The following LARGE1 variants were observed in gnomAD, a reference collection of about 807,000 sequenced individuals.
The protein encoded by LARGE1 is LARGE xylosyl- and glucuronyltransferase 1.
LARGE1 carries 43 observed loss-of-function variants against 87.6 expected under a neutral mutation model. The ratio of observed to expected loss-of-function variants is 0.49; its 90% confidence interval spans 0.38 to 0.63. The LOEUF (loss-of-function observed/expected upper bound fraction) is 0.63. LARGE1 is among the 30% of genes least tolerant of loss of function. The pLI, the probability that LARGE1 is intolerant of heterozygous loss-of-function variation, is 0.00. For synonymous variants in LARGE1, 434 were observed against 394.6 expected, an observed-to-expected ratio of 1.10 and a Z score of -1.18; for missense variants, 802 against 1,000.2, an observed-to-expected ratio of 0.80 and a Z score of 2.67.
intron 7 of LARGE1, among the ~76,000 whole-genome samples, chr22:33,397,744 G>C (rs1367116624): frequency 3.9e-5 from 6 of 152,184 alleles, no homozygotes; most frequent in Non-Finnish European, 5.9e-5. Context: ...AGGTTAAGTA[G>C]ATATTGCAAA....
the LARGE1 span, among the ~76,000 whole-genome samples, chr22:33,147,059 G>A: frequency 6.6e-6 from 1 of 152,236 alleles, no homozygotes; most frequent in East Asian, 1.9e-4. Context: ...CACCCACACT[G>A]TTGTGTGTGA....
intron 4 of LARGE1, among the ~76,000 whole-genome samples, chr22:33,606,428 G>GAAATAAAATAAAATAAAATAAAATA (rs55899842): frequency 2.6e-4 from 39 of 148,838 alleles, no homozygotes; most frequent in African/African-American, 9.5e-4. Flanking sequence ...AAAATAAAAT[G>GAAATAAAATAAAATAAAATAAAATA]AAATAAAATA....
At chr22:33,520,751 G>A (rs1569234614) in intron 6 of LARGE1, among the ~76,000 whole-genome samples, 1 of 152,186 alleles carries the variant, frequency 6.6e-6, no homozygotes, top group African/African-American at 2.4e-5. Context: ...TGCAAAACAC[G>A]AGCTGCTGTT....
chr22:33,468,566 AAGG>A (rs2068707618), intron 6 of LARGE1, among the ~76,000 whole-genome samples: 1 of 152,220 alleles, frequency 6.6e-6, no homozygotes, highest in African/African-American at 2.4e-5. Context: ...CTTTGGCAAA[AAGG>A]AGGACACAAA....
intron 1 of LARGE1, among the ~76,000 whole-genome samples, chr22:33,786,164 G>A (rs1431117289): frequency 6.6e-6 from 1 of 152,138 alleles, no homozygotes; most frequent in African/African-American, 2.4e-5. Flanking sequence ...TTCAGGTGCT[G>A]GGAAGACAGG....
intron 4 of LARGE1, among the ~76,000 whole-genome samples, chr22:33,619,428 AC>A (rs1237684141): frequency 6.6e-6 from 1 of 151,736 alleles, no homozygotes; most frequent in Non-Finnish European, 1.5e-5. Flanking sequence ...GGTGGCAGGC[AC>A]CTGTAATCCC....
At position 33,535,798 on chromosome 22, in the gene LARGE1, G is replaced by A. The variant is rs1049760577; in HGVS notation, c.787+29050C>T. Among the ~76,000 whole-genome samples, 18 of 152,168 alleles carry A rather than the reference G, an allele frequency of 1.2e-4. No homozygotes were observed. The South Asian group carries it at 1.5e-3, about 12-fold the overall frequency. ...CCTTGCCTTGTTGCCCGGTGGGATC[G>A]CTGATCTGTGATGTCGGTTCCCCCG... On this transcript the variant is annotated intron_variant, in intron 6 of 14. Transcript: ENST00000397394.
chr22:33,853,269 A>T (rs2063663774), intron 1 of LARGE1, among the ~76,000 whole-genome samples: 1 of 152,180 alleles, frequency 6.6e-6, no homozygotes, highest in African/African-American at 2.4e-5. Flanking sequence ...ACAGGATATA[A>T]GAGCATTCTG....
intron 1 of LARGE1, among the ~76,000 whole-genome samples, chr22:33,828,120 C>A (rs2062852630): frequency 6.6e-6 from 1 of 152,160 alleles, no homozygotes; most frequent in African/African-American, 2.4e-5. Flanking sequence ...AGGAAGAATT[C>A]TCAGGAGGGG....
intron 6 of LARGE1, among the ~76,000 whole-genome samples, chr22:33,546,972 T>C (rs1380195292): frequency 1.3e-5 from 2 of 152,232 alleles, no homozygotes; most frequent in Non-Finnish European, 2.9e-5. Context: ...CAACTCGTAA[T>C]AGTGGAGATG....
intron 5 of LARGE1, among the ~76,000 whole-genome samples, chr22:33,570,156 C>T (rs1202836011): frequency 6.6e-6 from 1 of 152,082 alleles, no homozygotes; most frequent in African/African-American, 2.4e-5. Flanking sequence ...AAAATGGGGG[C>T]CTACAATGTT....
chr22:33,068,914 G>A, the LARGE1 span, among the ~76,000 whole-genome samples: 3 of 152,236 alleles, frequency 2.0e-5, no homozygotes, highest in South Asian at 2.1e-4. Context: ...TCAGGGCTGC[G>A]GCTGCTGGGA....
At chr22:33,089,314 T>TTC in the LARGE1 span, among the ~76,000 whole-genome samples, 3 of 115,680 alleles carry the variant, frequency 2.6e-5, no homozygotes, top group South Asian at 3.3e-4. Context: ...CTTCTTCTTC[T>TTC]TTCTTCTTTC....
At chr22:33,510,872 C>T (rs1376962296) in intron 6 of LARGE1, among the ~76,000 whole-genome samples, 1 of 152,220 alleles carries the variant, frequency 6.6e-6, no homozygotes, top group Non-Finnish European at 1.5e-5. Context: ...CAGGCGTGAG[C>T]TACCACACCC....
intron 1 of LARGE1, among the ~76,000 whole-genome samples, chr22:33,826,392 G>C (rs958179977): frequency 3.3e-5 from 5 of 149,674 alleles, no homozygotes; most frequent in African/African-American, 1.2e-4. Flanking sequence ...GCACAGGCTG[G>C]AGCACAATGG....
chr22:33,244,556 A>T (rs148263142), intron 11 of LARGE1, among the ~76,000 whole-genome samples: 1 of 152,330 alleles, frequency 6.6e-6, no homozygotes, highest in East Asian at 1.9e-4. Context: ...TGGAAGAAGC[A>T]CTTTGCAGGA....
intron 2 of LARGE1, among the ~76,000 whole-genome samples, chr22:33,716,560 C>G (rs2082912898): frequency 6.6e-6 from 1 of 152,166 alleles, no homozygotes; most frequent in Non-Finnish European, 1.5e-5. Context: ...CCACACCCAG[C>G]TAACTTACAT....
In LARGE1 at chr22:33,275,455, G is replaced by A. The variant is rs373409858; in HGVS notation, c.2074-831C>T. ...AGGGATAACTGGGATGGGGAAAGGC[G>A]GCTGTTTTAGGTAGAACAATACAAC... On this transcript the variant is annotated intron_variant, in intron 14 of 14. Transcript: ENST00000397394. Among the ~76,000 whole-genome samples, 24 of 152,240 alleles carry A rather than the reference G, an allele frequency of 1.6e-4. 1 individual carries two copies. In the South Asian group the frequency reaches 4.8e-3, roughly 30 times the overall value.
intron 2 of LARGE1, among the ~76,000 whole-genome samples, chr22:33,721,202 G>A (rs1569403578): frequency 6.6e-6 from 1 of 152,220 alleles, no homozygotes; most frequent in Non-Finnish European, 1.5e-5. Flanking sequence ...TTGTGGAGGA[G>A]AAGAGGACTG....
Sources: allele counts gnomAD v4.1 joint callset (sites outside exome capture counted in the v4.1 genomes callset), GRCh38; gene constraint gnomAD v4.1.1; transcripts MANE v1.5; gene names NCBI Gene and HGNC (gene_info 2026-07-23, HGNC 2026-07-21).